MAVS: variants seen among roughly 807,000 people sequenced by gnomAD.
The protein encoded by MAVS is mitochondrial antiviral-signaling protein.
Under a neutral mutation model 30.2 loss-of-function variants are expected in MAVS, and 20 were observed. The observed-to-expected ratio is 0.66, with a 90% CI of 0.47 to 0.96. The LOEUF is 0.96. MAVS is among the 40% of genes least tolerant of loss of function. MAVS has a pLI of 0.00. For missense variants in MAVS, 624 were observed against 701.1 expected, an observed-to-expected ratio of 0.89 and a Z score of 1.24; for synonymous variants, 278 against 293.9, an observed-to-expected ratio of 0.95 and a Z score of 0.55.
At position 3,864,307 on chromosome 20, in the gene MAVS, C is replaced by G. The variant is rs778184452; in HGVS notation, c.677C>G (p.Ser226Cys). The stretch of plus-strand genomic sequence containing the variant: ...CGTGGGCCTGTGTCTCCATCTGTCT[C>G]CTTCCAGCCCCTGGCCCGTTCCACC... ...PSRGPVSPSVSFQPLARSTPR... is the reference protein window; with the variant it reads ...PSRGPVSPSVCFQPLARSTPR... The change falls in exon 6 of 7, where the codon TCC (serine) becomes TGC (cysteine). Residue 226 changes from serine to cysteine, a missense_variant. By Grantham distance (112) the Ser-to-Cys change is moderately radical. Coordinates refer to ENST00000428216, the MANE Select transcript of MAVS (RefSeq NM_020746.5). 4 of 1,613,770 alleles carry G rather than the reference C, an allele frequency of 2.5e-6. No homozygotes were observed. Among genetic ancestry groups the G allele is most frequent in the Admixed American group, 1.7e-5 (1 of 59,978 alleles).
At position 3,857,714 on chromosome 20, in the gene MAVS, C is replaced by A; in HGVS notation, c.197C>A (p.Pro66His). Residue 66 changes from proline (P) to histidine (H), a missense_variant, in exon 3 of 7, where the codon CCC becomes CAC. Transcript: ENST00000428216. ...WHLFNTLQRRPGWVEYFIAAL... is the reference protein window; with the variant it reads ...WHLFNTLQRRHGWVEYFIAAL... ...CTCTTCAATACCCTTCAGCGGCGGC[C>A]CGGCTGGGTGGAGTACTTCATTGCG... 6.2e-7 allele frequency: 1 copy of A among 1,614,262 alleles called. No homozygotes were observed. The highest frequency in any genetic ancestry group is 8.5e-7 in the Non-Finnish European group (1 of 1,180,050).
Position 3,858,790 on chromosome 20 carries a change from T to C in MAVS, c.292+981T>C, listed in dbSNP as rs111816879. The stretch of plus-strand genomic sequence containing the variant: ...TGGGACATCCATGTTTTTCTTTTCT[T>C]TCTCTCTCTTTTTTTTTTTTCCTTT... On this transcript the variant is annotated intron_variant, in intron 3 of 6. Coordinates refer to ENST00000428216, the MANE Select transcript of MAVS (RefSeq NM_020746.5). Among the ~76,000 whole-genome samples the C allele has an allele frequency of 1.7e-3, 251 of 150,602 alleles. 3 individuals are homozygous for C. Among genetic ancestry groups the C allele is most frequent in the African/African-American group, 6.0e-3 (242 of 40,424 alleles).
chr20:3,862,399 G>A lies in MAVS; in HGVS notation c.611G>A (p.Ser204Asn), dbSNP rs1690598816. 2 of 1,612,986 alleles carry A rather than the reference G, an allele frequency of 1.2e-6. No homozygotes were observed. The highest frequency in any genetic ancestry group is 1.7e-6 in the Non-Finnish European group (2 of 1,179,576). The change falls in exon 5 of 7, where the codon AGT becomes AAT. Residue 204 changes from serine to asparagine, a missense_variant. Transcript: ENST00000428216. ...GHQEQDTELGSTHTAGATSSL... is the reference protein window; with the variant it reads ...GHQEQDTELGNTHTAGATSSL... ...CAGGAGCAGGACACAGAACTGGGCA[G>A]TACCCACACAGCAGGTATGCATGGA...
chr20:3,863,035 G>T (rs956475633), intron 5 of MAVS, among the ~76,000 whole-genome samples: 9 of 152,192 alleles, frequency 5.9e-5, no homozygotes, highest in Middle Eastern at 3.2e-3. Flanking sequence ...TTTGCGCTCT[G>T]CCAAAGGGAC....
chr20:3,857,988 C>A, intron 3 of MAVS, 179 bp downstream of exon 3: 1 of 700,492 alleles, frequency 1.4e-6, no homozygotes, highest in Non-Finnish European at 2.5e-6. Context: ...GTCCCTTTGG[C>A]CAAGTCCCTT....
chr20:3,872,579 C>T lies in MAVS; in HGVS notation c.*6432C>T, dbSNP rs1416127002. 2.0e-5 allele frequency: 3 copies of T among 152,290 alleles called. No homozygotes were observed. The highest frequency in any genetic ancestry group is 7.2e-5 in the African/African-American group (3 of 41,434). 9.4% of individuals were successfully genotyped at this position (152,290 alleles called of 1,614,324 possible). On this transcript the variant is annotated 3_prime_UTR_variant, in exon 7 of 7. Transcript: ENST00000428216. Reference sequence around the variant, plus strand: ...TATGACAATATGATTACAACTATCACGTGTGTGCCCAGCCAGGCTCAATGC... The same window carrying T: ...TATGACAATATGATTACAACTATCATGTGTGTGCCCAGCCAGGCTCAATGC...
chr20:3,858,266 G>A (rs2089830483), intron 3 of MAVS, among the ~76,000 whole-genome samples: 1 of 151,670 alleles, frequency 6.6e-6, no homozygotes, highest in Non-Finnish European at 1.5e-5. Context: ...TTTACCCTGA[G>A]AGCCTTCGAC....
At chr20:3,862,090 G>A (rs1433235707) in intron 4 of MAVS, among the ~76,000 whole-genome samples, 164 bp from the exon 5 acceptor site, 7 of 152,144 alleles carry the variant, frequency 4.6e-5, no homozygotes, top group African/African-American at 1.7e-4. Flanking sequence ...GGACACCTGT[G>A]GACAGAGGGT....
At chr20:3,864,067 A>G (rs2089886079) in intron 5 of MAVS, among the ~76,000 whole-genome samples, 189 bp from the exon 6 acceptor site, 1 of 152,074 alleles carries the variant, frequency 6.6e-6, no homozygotes, top group Non-Finnish European at 1.5e-5. Context: ...TCAAGGACTG[A>G]GGGCAGCTGT....
Position 3,869,963 on chromosome 20 carries a change from CA to C in MAVS, c.*3819del, listed in dbSNP as rs1428195634. 3 of 152,368 alleles carry C rather than the reference CA, an allele frequency of 2.0e-5. No individual in the cohort carries two copies. The highest frequency in any genetic ancestry group is 7.2e-5 in the African/African-American group (3 of 41,444). The allele number at this position is 152,368 out of a possible 1,614,324, so 9.4% of individuals were successfully genotyped here. A position where few individuals can be genotyped will look rare whatever the true frequency, so the allele number is the denominator to read the frequency against. The stretch of plus-strand genomic sequence containing the variant: ...CCGTGACTTGGCCTACTTTGAACAG[CA>C]AACTTGTTGCTGCTGTTGTCAACCT... On this transcript the variant is annotated 3_prime_UTR_variant, in exon 7 of 7. Coordinates refer to ENST00000428216, the MANE Select transcript of MAVS (RefSeq NM_020746.5).
chr20:3,854,908 T>TTTTTTTG lies in MAVS; in HGVS notation c.117+168_117+169insTTTTTGT, dbSNP rs1250357204. On this transcript the variant is annotated intron_variant, in intron 2 of 6. Coordinates refer to ENST00000428216, the MANE Select transcript of MAVS (RefSeq NM_020746.5). ...CTGCTTTTCTTTTTTTTTTTTTTTT[T>TTTTTTTG]TGAGATTGAGTCTCGTTCTGTCGCC... Among the ~76,000 whole-genome samples, 4 of 150,762 alleles carry TTTTTTTG rather than the reference T, an allele frequency of 2.7e-5. No individual in the cohort carries two copies. The East Asian group carries it at 7.8e-4, about 29-fold the overall frequency.
At position 3,866,485 on chromosome 20, in the gene MAVS, G is replaced by A; in HGVS notation, c.*338G>A. ...GGCCTCAGCCCTGTTGGCCCAGGTG[G>A]AGCAGGAGGGACCACTGGAACATGT... On this transcript the variant is annotated 3_prime_UTR_variant, in exon 7 of 7. Coordinates refer to ENST00000428216, the MANE Select transcript of MAVS (RefSeq NM_020746.5). 3 of 401,542 alleles carry A rather than the reference G, an allele frequency of 7.5e-6. No homozygotes were observed. In the South Asian group the frequency reaches 9.0e-5, roughly 12 times the overall value. The allele number at this position is 401,542 out of a possible 1,614,324, so 24.9% of individuals were successfully genotyped here. A position where few individuals can be genotyped will look rare whatever the true frequency, so the allele number is the denominator to read the frequency against.
chr20:3,870,675 A>AAAAAAAAAAAC lies in MAVS; in HGVS notation c.*4529_*4530insAAAAAAAAACA, dbSNP rs2089947999. 1 of 138,500 alleles carries AAAAAAAAAAAC rather than the reference A, an allele frequency of 7.2e-6. No homozygotes were observed. The highest frequency in any genetic ancestry group is 2.7e-5 in the African/African-American group (1 of 36,546). The allele number at this position is 138,500 out of a possible 1,614,324, so 8.6% of individuals were successfully genotyped here. ...AAAAAAAAAAAAAAAAAAAAAAAAA[A>AAAAAAAAAAAC]ATCTAGGAGATGCTCTTTACCCTGC... On this transcript the variant is annotated 3_prime_UTR_variant, in exon 7 of 7. Coordinates refer to ENST00000428216, the MANE Select transcript of MAVS (RefSeq NM_020746.5).
rs6515831 is a variant in MAVS, at chr20:3,871,304, T to C, written c.*5157T>C. ...GCTCCCAGACAGCATGAAGTAACAA[T>C]GAGGCATCCACCTCTTGGTTTTGTG... On this transcript the variant is annotated 3_prime_UTR_variant, in exon 7 of 7. Coordinates refer to ENST00000428216, the MANE Select transcript of MAVS (RefSeq NM_020746.5). The C allele has an allele frequency of 0.36, 55,708 of 153,774 alleles. 11,452 individuals are homozygous for C. The highest frequency in any genetic ancestry group is 0.46 in the Non-Finnish European group (31,299 of 68,002). 9.5% of individuals were successfully genotyped at this position (153,774 alleles called of 1,614,324 possible). A position where few individuals can be genotyped will look rare whatever the true frequency, so the allele number is the denominator to read the frequency against.
Position 3,867,170 on chromosome 20 carries a change from C to T in MAVS, c.*1023C>T, listed in dbSNP as rs888139624. The T allele has an allele frequency of 8.1e-5, 33 of 409,360 alleles. No individual in the cohort carries two copies. The highest frequency in any genetic ancestry group is 1.5e-4 in the Non-Finnish European group (31 of 202,532). The allele number at this position is 409,360 out of a possible 1,614,324, so 25.4% of individuals were successfully genotyped here. A position where few individuals can be genotyped will look rare whatever the true frequency, so the allele number is the denominator to read the frequency against. ...CAAGGGTGCAGCTCTGCAGCACAGG[C>T]AGCCTAGGCCTGCGTCCCAACCTGC... is the stretch of plus-strand genomic sequence containing the variant. On this transcript the variant is annotated 3_prime_UTR_variant, in exon 7 of 7. Transcript: ENST00000428216.
At chr20:3,855,289 G>A (rs183285944) in intron 2 of MAVS, among the ~76,000 whole-genome samples, 14 of 152,244 alleles carry the variant, frequency 9.2e-5, no homozygotes, top group African/African-American at 3.1e-4. Flanking sequence ...AAAATATGGC[G>A]CTGGCTCTCT....
intron 3 of MAVS, 193 bp downstream of exon 3, chr20:3,858,002 T>C (rs948473372): frequency 3.1e-6 from 2 of 636,702 alleles, no homozygotes; most frequent in African/African-American, 3.6e-5. Context: ...GTCCCTTAAT[T>C]TCCCTGAGCC....
At chr20:3,857,144 T>C (rs2089819084) in intron 2 of MAVS, among the ~76,000 whole-genome samples, 1 of 152,156 alleles carries the variant, frequency 6.6e-6, no homozygotes, top group Admixed American at 6.6e-5. Flanking sequence ...CCCCCTCTCT[T>C]TCCGTCTTTT....
At chr20:3,852,352 G>A (rs1365720075) in intron 1 of MAVS, among the ~76,000 whole-genome samples, 1 of 152,100 alleles carries the variant, frequency 6.6e-6, no homozygotes, top group East Asian at 1.9e-4. Context: ...AAGCTGACCT[G>A]AAGATCTCAG....
Sources: allele counts gnomAD v4.1 joint callset (sites outside exome capture counted in the v4.1 genomes callset), GRCh38; gene constraint gnomAD v4.1.1; transcripts MANE v1.5; gene names NCBI Gene and HGNC (gene_info 2026-07-23, HGNC 2026-07-21).